LRRC28: variants seen among roughly 807,000 people sequenced by gnomAD.
LRRC28 encodes leucine rich repeat containing 28.
Under a neutral mutation model 45.7 loss-of-function variants are expected in LRRC28, and 39 were observed. That is an observed-to-expected ratio of 0.85 (90% CI 0.66 to 1.12). LRRC28 has a LOEUF of 1.12. LRRC28 is among the 50% of genes most tolerant of loss of function. The pLI is 0.00. For synonymous variants in LRRC28, 206 were observed against 178.8 expected (o/e 1.15, Z -1.22); for missense variants, 435 against 438.5 (o/e 0.99, Z 0.07).
At chr15:99,289,986 A>G (rs1406011144) in intron 5 of LRRC28, among the ~76,000 whole-genome samples, 1 of 140,100 alleles carries the variant, frequency 7.1e-6, no homozygotes, top group Non-Finnish European at 1.5e-5. Context: ...GGCTGGGCGC[A>G]GTGGATCACA....
chr15:99,258,758 A>G, intron 2 of LRRC28: 2 of 696,856 alleles, frequency 2.9e-6, no homozygotes, highest in South Asian at 2.7e-5. Flanking sequence ...AGGAGAAGTT[A>G]CCTTCAAATC....
At chr15:99,371,083 G>A (rs1443335317) in intron 9 of LRRC28, among the ~76,000 whole-genome samples, 1 of 122,302 alleles carries the variant, frequency 8.2e-6, no homozygotes, top group Non-Finnish European at 1.7e-5. Flanking sequence ...TCCAGGGTGG[G>A]TGACAGAGCA....
intron 2 of LRRC28, chr15:99,260,083 T>A: frequency 2.0e-6 from 1 of 503,068 alleles, no homozygotes; most frequent in Non-Finnish European, 3.8e-6. Context: ...TCATTTCTTT[T>A]GGCAGAGACT....
chr15:99,286,976 T>G (rs1368959203), intron 3 of LRRC28: 1 of 256,446 alleles, frequency 3.9e-6, no homozygotes, highest in East Asian at 7.6e-5. Flanking sequence ...GTTATGAAGT[T>G]AAAAAGACCT....
Position 99,293,615 on chromosome 15 carries a change from A to C in LRRC28, c.385+5664A>C, listed in dbSNP as rs1397664615. ...TCACAAAAAAAAAAAAAAAAAAAAA[A>C]AAAAAAAAAAAAAAAAAACCTAAAC... On this transcript the variant is annotated intron_variant, in intron 5 of 9. Coordinates refer to ENST00000301981, the MANE Select transcript of LRRC28 (RefSeq NM_144598.5). 3.5e-3 allele frequency among the ~76,000 whole-genome samples: 498 copies of C among 143,288 alleles called. 15 individuals carry two copies. Among genetic ancestry groups the C allele is most frequent in the African/African-American group, 0.012 (476 of 39,056 alleles). 94.0% of individuals were successfully genotyped at this position (143,288 alleles called of 152,430 possible). A position where few individuals can be genotyped will look rare whatever the true frequency, so the allele number is the denominator to read the frequency against.
chr15:99,323,617 T>G (rs949128993), intron 5 of LRRC28, among the ~76,000 whole-genome samples: 1 of 152,220 alleles, frequency 6.6e-6, no homozygotes, highest in African/African-American at 2.4e-5. Flanking sequence ...AAAGAGCCCT[T>G]TTCTCTGTGT....
intron 5 of LRRC28, among the ~76,000 whole-genome samples, chr15:99,333,329 G>A (rs1426071675): frequency 1.3e-5 from 2 of 152,132 alleles, no homozygotes; most frequent in African/African-American, 4.8e-5. Flanking sequence ...TGTATACTTT[G>A]GGTTTTTTAA....
At chr15:99,338,789 C>CTGTTATAAGTTATAATACTGTTA (rs1956410812) in intron 6 of LRRC28, among the ~76,000 whole-genome samples, 1 of 152,196 alleles carries the variant, frequency 6.6e-6, no homozygotes, top group Non-Finnish European at 1.5e-5. Flanking sequence ...ATAATACTGT[C>CTGTTATAAGTTATAATACTGTTA]TAACCCATTA....
At chr15:99,286,181 A>C (rs964035852) in intron 3 of LRRC28, among the ~76,000 whole-genome samples, 3 of 152,170 alleles carry the variant, frequency 2.0e-5, no homozygotes, top group African/African-American at 7.2e-5. Flanking sequence ...CCCAGGCTGG[A>C]GTGCAGTGGC....
intron 5 of LRRC28, chr15:99,333,672 T>G: frequency 3.8e-6 from 2 of 527,608 alleles, no homozygotes; most frequent in Non-Finnish European, 6.8e-6. Flanking sequence ...CTCACCACTT[T>G]GTGTCTCTTT....
chr15:99,326,319 A>T (rs934472123), intron 5 of LRRC28, among the ~76,000 whole-genome samples: 1 of 152,236 alleles, frequency 6.6e-6, no homozygotes, highest in East Asian at 1.9e-4. Context: ...ATTTTACAGC[A>T]TATTAATCAC....
intron 5 of LRRC28, among the ~76,000 whole-genome samples, chr15:99,308,230 C>A (rs1955259433): frequency 6.6e-6 from 1 of 152,186 alleles, no homozygotes; most frequent in South Asian, 2.1e-4. Context: ...GAATCTTACA[C>A]AACGTGACTT....
chr15:99,301,645 A>G (rs1296829244), intron 5 of LRRC28, among the ~76,000 whole-genome samples: 2 of 152,192 alleles, frequency 1.3e-5, no homozygotes, highest in Non-Finnish European at 2.9e-5. Flanking sequence ...AAAACTCAAC[A>G]TTTTTAAATT....
rs577700416 is a variant in LRRC28 at position 99,307,684 on chromosome 15, A to G, written c.385+19733A>G. 4.6e-5 allele frequency among the ~76,000 whole-genome samples: 7 copies of G among 152,316 alleles called. No individual in the cohort carries two copies. In the East Asian group the frequency reaches 1.2e-3, roughly 25 times the overall value. On this transcript the variant is annotated intron_variant, in intron 5 of 9. Coordinates refer to ENST00000301981, the MANE Select transcript of LRRC28 (RefSeq NM_144598.5). ...TCTATCCTCTTAGAGTCCACACTCC[A>G]TGAAGACTGGCTCATTGTTCCTCTG...
chr15:99,285,387 C>T (rs2081930349), intron 3 of LRRC28: 13 of 744,402 alleles, frequency 1.7e-5, no homozygotes. Context: ...ACCTCCTCCG[C>T]AGTGGTATAG....
intron 9 of LRRC28, among the ~76,000 whole-genome samples, chr15:99,369,467 G>A (rs750672684): frequency 7.2e-5 from 11 of 152,200 alleles, no homozygotes; most frequent in Admixed American, 1.3e-4. Flanking sequence ...CGGCCTGGAC[G>A]TTGAGGTTAG....
intron 9 of LRRC28, among the ~76,000 whole-genome samples, chr15:99,383,464 C>A (rs1450501841): frequency 2.6e-5 from 4 of 152,162 alleles, no homozygotes; most frequent in Non-Finnish European, 5.9e-5. Context: ...TGGGGCCTAC[C>A]CCATCTTGGC....
intron 5 of LRRC28, among the ~76,000 whole-genome samples, chr15:99,323,318 T>C (rs1054771262): frequency 6.6e-6 from 1 of 152,190 alleles, no homozygotes; most frequent in Non-Finnish European, 1.5e-5. Context: ...ATTTTAATCC[T>C]CATATCAGAG....
chr15:99,335,076 C>G (rs1194775294), intron 6 of LRRC28, among the ~76,000 whole-genome samples: 2 of 151,900 alleles, frequency 1.3e-5, no homozygotes, highest in Non-Finnish European at 2.9e-5. Context: ...ATAAAATTAA[C>G]AAAATGAAAT....
Sources: gnomAD v4.1 joint callset for allele counts (sites outside exome capture counted in the v4.1 genomes callset) on GRCh38, gnomAD v4.1.1 for gene constraint, MANE v1.5 for transcripts, NCBI Gene and HGNC (gene_info 2026-07-23, HGNC 2026-07-21) for gene names.